Variants in LGR5 observed in about 807,000 individuals in gnomAD.
LGR5 encodes leucine-rich repeat-containing G protein-coupled receptor 5.
Under a neutral mutation model 76.7 loss-of-function variants are expected in LGR5, and 54 were observed. The ratio of observed to expected loss-of-function variants is 0.70; its 90% CI spans 0.57 to 0.88. The LOEUF (loss-of-function observed/expected upper bound fraction) is 0.88, where lower values mean the gene tolerates loss of function less well. Ranked by LOEUF, LGR5 falls within the 40% of genes least tolerant of loss-of-function variation. The pLI, the probability that LGR5 is intolerant of heterozygous loss-of-function variation, is 0.00. For missense variants in LGR5, 1,078 were observed against 1,073.3 expected, an observed-to-expected ratio of 1.00 and a Z score of -0.06; for synonymous variants, 406 against 421.9, an observed-to-expected ratio of 0.96 and a Z score of 0.46.
At chr12:71,552,986 A>G (rs746483132) in intron 4 of LGR5, 87 bp from the exon 5 acceptor site, 7 of 1,198,922 alleles carry the variant, frequency 5.8e-6, no homozygotes, top group Non-Finnish European at 8.5e-6. Context: ...ACTCTTGTTC[A>G]TCATGCATGG....
chr12:71,512,462 G>A (rs937822428), intron 2 of LGR5, among the ~76,000 whole-genome samples: 4 of 152,132 alleles, frequency 2.6e-5, no homozygotes, highest in South Asian at 2.1e-4. Context: ...CATTAGAATC[G>A]CCTAGCACAC....
At chr12:71,453,773 G>C (rs1214974505) in intron 1 of LGR5, among the ~76,000 whole-genome samples, 1 of 151,780 alleles carries the variant, frequency 6.6e-6, no homozygotes, top group African/African-American at 2.4e-5. Flanking sequence ...TTAAAGAATG[G>C]GCTTGTGTCT....
intron 1 of LGR5, among the ~76,000 whole-genome samples, chr12:71,441,309 T>C (rs1871757821): frequency 6.6e-6 from 1 of 152,178 alleles, no homozygotes; most frequent in Non-Finnish European, 1.5e-5. Flanking sequence ...GCAAAGCATC[T>C]GGGGCTTCAT....
At chr12:71,447,751 A>G (rs1478390477) in intron 1 of LGR5, among the ~76,000 whole-genome samples, 2 of 152,216 alleles carry the variant, frequency 1.3e-5, no homozygotes, top group African/African-American at 4.8e-5. Flanking sequence ...TTGGCAGGGC[A>G]TAGCCGTGAA....
chr12:71,461,318 G>T (rs781142869), intron 1 of LGR5, among the ~76,000 whole-genome samples: 2 of 152,146 alleles, frequency 1.3e-5, no homozygotes, highest in Non-Finnish European at 2.9e-5. Context: ...TATGTAAGGT[G>T]CTATGGAGGA....
At chr12:71,493,080 A>G (rs995146555) in intron 1 of LGR5, among the ~76,000 whole-genome samples, 3 of 151,378 alleles carry the variant, frequency 2.0e-5, no homozygotes, top group Admixed American at 2.0e-4. Flanking sequence ...TTAAGACCAG[A>G]ATGTTTAACA....
intron 2 of LGR5, among the ~76,000 whole-genome samples, chr12:71,520,599 C>A (rs1470031121): frequency 2.6e-5 from 4 of 151,738 alleles, no homozygotes; most frequent in Non-Finnish European, 5.9e-5. Context: ...CCATCATTCT[C>A]AGCAAAGTAA....
At chr12:71,562,428 G>A (rs1387741123) in intron 8 of LGR5, among the ~76,000 whole-genome samples, 3 of 148,202 alleles carry the variant, frequency 2.0e-5, no homozygotes, top group African/African-American at 7.4e-5. Context: ...GAATAAAATC[G>A]GCCAGGCACT....
chr12:71,536,685 A>G (rs1039105245), intron 4 of LGR5, among the ~76,000 whole-genome samples: 6 of 152,256 alleles, frequency 3.9e-5, no homozygotes, highest in Non-Finnish European at 1.5e-5. Flanking sequence ...GAAGGATAAG[A>G]GTTTGTAACC....
intron 1 of LGR5, among the ~76,000 whole-genome samples, chr12:71,473,577 CA>C (rs1873192372): frequency 6.6e-6 from 1 of 151,654 alleles, no homozygotes; most frequent in Non-Finnish European, 1.5e-5. Context: ...AGTTCAAGAC[CA>C]ACCGGGGCAA....
chr12:71,535,808 G>A (rs1444018023), intron 4 of LGR5, among the ~76,000 whole-genome samples: 5 of 152,202 alleles, frequency 3.3e-5, no homozygotes, highest in African/African-American at 1.2e-4. Flanking sequence ...GACTCACAGA[G>A]GTGTTGGTGT....
intron 15 of LGR5, among the ~76,000 whole-genome samples, chr12:71,579,890 A>T (rs1879017683): frequency 6.6e-6 from 1 of 152,174 alleles, no homozygotes; most frequent in African/African-American, 2.4e-5. Flanking sequence ...TTTCCAGTGC[A>T]TTTTTTATTG....
chr12:71,581,114 G>T (rs1879074024), intron 16 of LGR5, among the ~76,000 whole-genome samples: 1 of 152,182 alleles, frequency 6.6e-6, no homozygotes, highest in Non-Finnish European at 1.5e-5. Context: ...TTCTCCAGAA[G>T]ACAAAATCCA....
intron 1 of LGR5, among the ~76,000 whole-genome samples, chr12:71,485,914 C>T (rs369351657): frequency 1.3e-5 from 2 of 151,734 alleles, no homozygotes; most frequent in Non-Finnish European, 2.9e-5. Flanking sequence ...TACAGGTGTC[C>T]GCCACCACAC....
rs1266305043 is a variant in LGR5 at position 71,440,272 on chromosome 12, C to T, written c.192C>T (p.Leu64=). 6.2e-7 allele frequency: 1 copy of T among 1,612,128 alleles called. No homozygotes were observed. The stretch of plus-strand genomic sequence containing the variant: ...GGCTCTCGGAGCTGCCTTCCAACCT[C>T]AGCGTCTTCACCTCCTACCTGTAAG... ...DLGLSELPSN[L]SVFTSYLDLS... The change falls in exon 1 of 18, where the codon CTC becomes CTT. Residue 64 remains leucine (L), a synonymous_variant. Coordinates refer to ENST00000266674, the MANE Select transcript of LGR5 (RefSeq NM_003667.4). The surrounding 1 kb of genome is among the most constrained non-coding windows in gnomAD (Gnocchi z 5.3).
In LGR5 at chr12:71,458,715, G is replaced by A. The variant is rs1022030625; in HGVS notation, c.212+18423G>A. On this transcript the variant is annotated intron_variant, in intron 1 of 17. Coordinates refer to ENST00000266674, the MANE Select transcript of LGR5 (RefSeq NM_003667.4). ...TGCAAATTTATTCGTTCATTTATCCGTTTATTCACACAATTAATATTTTTA... is the reference window on the plus strand; with the variant it reads ...TGCAAATTTATTCGTTCATTTATCCATTTATTCACACAATTAATATTTTTA... Among the ~76,000 whole-genome samples, 18 of 145,138 alleles carry A rather than the reference G, an allele frequency of 1.2e-4. No individual in the cohort carries two copies. The South Asian group carries it at 1.9e-3, about 15-fold the overall frequency.
chr12:71,500,234 G>A (rs1190023735), intron 1 of LGR5, among the ~76,000 whole-genome samples: 1 of 152,098 alleles, frequency 6.6e-6, no homozygotes, highest in Non-Finnish European at 1.5e-5. Flanking sequence ...GGAACCCATA[G>A]GAACCCATAA....
chr12:71,508,355 T>C (rs1331485713), intron 2 of LGR5, among the ~76,000 whole-genome samples: 1 of 152,238 alleles, frequency 6.6e-6, no homozygotes, highest in African/African-American at 2.4e-5. Context: ...TAGATAGCCA[T>C]GGTTCATCTC....
intron 11 of LGR5, among the ~76,000 whole-genome samples, chr12:71,568,091 G>T (rs570870278): frequency 6.6e-6 from 1 of 152,102 alleles, no homozygotes; most frequent in Non-Finnish European, 1.5e-5. Context: ...GAAAACTGGC[G>T]CAGTTATATG....
Sources: gnomAD v4.1 joint callset for allele counts (sites outside exome capture counted in the v4.1 genomes callset) on GRCh38, gnomAD v4.1.1 for gene constraint, Gnocchi (gnomAD v3.1) non-coding constraint, MANE v1.5 for transcripts, NCBI Gene and HGNC (gene_info 2026-07-23, HGNC 2026-07-21) for gene names.